The following MROH1 variants were observed in gnomAD, a reference collection of about 807,000 sequenced individuals.
The protein encoded by MROH1 is maestro heat-like repeat-containing protein family member 1.
MROH1 carries 117 observed loss-of-function variants against 116.5 expected under a neutral mutation model. That is an observed-to-expected ratio of 1.00 (90% CI 0.86 to 1.17). The LOEUF is 1.17. Among genes scored for constraint, MROH1 ranks in the 50% most tolerant of loss-of-function variants. The probability of loss-of-function intolerance (pLI) is 0.00; values close to 1 mark genes in which losing one functional copy is unlikely to be tolerated. For synonymous variants in MROH1, 921 were observed against 583.9 expected (o/e 1.58, Z -8.32); for missense variants, 1,873 against 1,338.5 (o/e 1.40, Z -6.23).
At chr8:144,242,702 T>C (rs1472978926) in intron 24 of MROH1, 74 bp downstream of exon 24, 4 of 743,918 alleles carry the variant, frequency 5.4e-6, no homozygotes, top group Non-Finnish European at 1.0e-5. Flanking sequence ...TTGAGCTTCA[T>C]AGGCAGAGGC....
chr8:144,199,041 C>G, intron 10 of MROH1, 81 bp from the exon 11 acceptor site: 1 of 1,378,518 alleles, frequency 7.3e-7, no homozygotes, highest in East Asian at 2.4e-5. Flanking sequence ...GCCCAGCTGC[C>G]CAGGCCCAGA....
intron 12 of MROH1, among the ~76,000 whole-genome samples, chr8:144,203,550 C>G (rs1832159874): frequency 6.6e-6 from 1 of 151,732 alleles, no homozygotes; most frequent in African/African-American, 2.4e-5. Flanking sequence ...AGCGCCCGCT[C>G]TCTGGAGGGG....
chr8:144,204,133 C>T (rs533355113), intron 12 of MROH1, among the ~76,000 whole-genome samples: 2 of 152,266 alleles, frequency 1.3e-5, no homozygotes, highest in East Asian at 3.9e-4. Context: ...TGTTTTGAGA[C>T]AGGGTCTCGT....
chr8:144,210,953 G>T (rs1308769941), intron 12 of MROH1, among the ~76,000 whole-genome samples: 4 of 152,034 alleles, frequency 2.6e-5, no homozygotes, highest in Non-Finnish European at 4.4e-5. Context: ...TTTTCATCTT[G>T]CAAAACTGAA....
intron 33 of MROH1, chr8:144,252,042 G>A: frequency 9.5e-6 from 2 of 210,302 alleles, no homozygotes; most frequent in Non-Finnish European, 1.9e-5. Flanking sequence ...GCCGGGTGCT[G>A]CTGCCCATCC....
At chr8:144,168,811 G>A (rs1414390925) in intron 4 of MROH1, among the ~76,000 whole-genome samples, 1 of 152,204 alleles carries the variant, frequency 6.6e-6, no homozygotes, top group Non-Finnish European at 1.5e-5. Flanking sequence ...TCAACCCAAG[G>A]GGCCAGAAAC....
chr8:144,248,023 A>G (rs931750942), intron 31 of MROH1, among the ~76,000 whole-genome samples: 2 of 152,252 alleles, frequency 1.3e-5, no homozygotes, highest in African/African-American at 2.4e-5. Flanking sequence ...GGTTTCTGGA[A>G]CAGAATCTTC....
chr8:144,246,317 C>G (rs1275187188), intron 29 of MROH1, among the ~76,000 whole-genome samples: 2 of 151,882 alleles, frequency 1.3e-5, no homozygotes, highest in Non-Finnish European at 2.9e-5. Context: ...TCCTGTTGGC[C>G]TTGAACTGGT....
At chr8:144,173,098 C>CTT (rs57999074) in intron 4 of MROH1, among the ~76,000 whole-genome samples, 9 of 130,362 alleles carry the variant, frequency 6.9e-5, no homozygotes, top group African/African-American at 1.4e-4. Flanking sequence ...AGTTATGGTA[C>CTT]TTTTTTTTTT....
At chr8:144,156,565 C>A (rs1457306434) in intron 1 of MROH1, among the ~76,000 whole-genome samples, 1 of 151,394 alleles carries the variant, frequency 6.6e-6, no homozygotes, top group African/African-American at 2.4e-5. Context: ...AAAAATTAGC[C>A]AGGCGTGATG....
chr8:144,187,032 A>T (rs1827365786), intron 7 of MROH1, among the ~76,000 whole-genome samples: 1 of 151,244 alleles, frequency 6.6e-6, no homozygotes, highest in Non-Finnish European at 1.5e-5. Context: ...TGGGAGTCAG[A>T]GGTTGCAGTG....
chr8:144,259,008 G>T, intron 36 of MROH1, 94 bp downstream of exon 36: 1 of 645,344 alleles, frequency 1.5e-6, no homozygotes. Context: ...GGGCCCATGC[G>T]TGTCAGGCCA....
chr8:144,239,360 G>A lies in MROH1; in HGVS notation c.1629G>A (p.Leu543=), dbSNP rs1840590591. 4 of 780,388 alleles carry A rather than the reference G, an allele frequency of 5.1e-6. No individual in the cohort carries two copies. Among genetic ancestry groups the A allele is most frequent in the Admixed American group, 1.7e-5 (1 of 59,004 alleles). 48.3% of individuals were successfully genotyped at this position (780,388 alleles called of 1,614,324 possible). A position where few individuals can be genotyped will look rare whatever the true frequency, so the allele number is the denominator to read the frequency against. Residue 543 remains leucine, a synonymous_variant, in exon 17 of 44, where the codon CTG becomes CTA. Transcript: ENST00000326134. ...LPSPYAVTGR[L]LVVSSSPYLG... The stretch of plus-strand genomic sequence containing the variant: ...CTCCCTATGCTGTAACCGGAAGACT[G>A]TTGGTGAGCCTCGCCCTTTCACAGC...
intron 33 of MROH1, among the ~76,000 whole-genome samples, chr8:144,253,019 C>T (rs1843097611): frequency 1.4e-5 from 2 of 147,730 alleles, no homozygotes; most frequent in Admixed American, 1.4e-4. Flanking sequence ...CTAGGCGTGG[C>T]AGCACGTGTC....
chr8:144,179,417 G>A (rs759699415), intron 4 of MROH1, 38 bp from the exon 5 acceptor site: 1 of 1,606,506 alleles, frequency 6.2e-7, no homozygotes, highest in Non-Finnish European at 8.5e-7. Flanking sequence ...TGGGTGTGGG[G>A]CTCACCTGGG....
Position 144,223,135 on chromosome 8 carries a change from A to G in MROH1, c.1243A>G (p.Ser415Gly), listed in dbSNP as rs1486691449. Residue 415 changes from serine to glycine, a missense_variant, in exon 14 of 44, where the codon AGC (serine) becomes GGC (glycine). Physicochemically the swap from Ser to Gly is moderately conservative, Grantham distance 56. Coordinates refer to ENST00000326134, the MANE Select transcript of MROH1 (RefSeq NM_032450.3). ...GAAGCGGGCAGTGGTGCAGGTGATT[A>G]GCGCCATGGCCCACCACGGCTACCT... ...KVKRAVVQVISAMAHHGYLEQ... is the reference protein window; with the variant it reads ...KVKRAVVQVIGAMAHHGYLEQ... 1.9e-6 allele frequency: 3 copies of G among 1,613,084 alleles called. No individual in the cohort carries two copies. Among genetic ancestry groups the G allele is most frequent in the Non-Finnish European group, 2.5e-6 (3 of 1,179,648 alleles).
intron 4 of MROH1, among the ~76,000 whole-genome samples, chr8:144,177,676 G>A (rs1824358145): frequency 6.6e-6 from 1 of 152,134 alleles, no homozygotes; most frequent in Non-Finnish European, 1.5e-5. Flanking sequence ...GCTGGAGGTG[G>A]GGCCTGGTGG....
chr8:144,219,180 G>A (rs1253247022), intron 12 of MROH1, among the ~76,000 whole-genome samples: 1 of 151,762 alleles, frequency 6.6e-6, no homozygotes, highest in Non-Finnish European at 1.5e-5. Flanking sequence ...CCACCACCAT[G>A]CCCGGCTAAT....
chr8:144,248,172 T>C (rs1358928364), intron 31 of MROH1, among the ~76,000 whole-genome samples: 1 of 152,168 alleles, frequency 6.6e-6, no homozygotes, highest in Non-Finnish European at 1.5e-5. Context: ...GTCAAGGTGC[T>C]TTGTCTACTG....
Sources: gnomAD v4.1 joint callset for allele counts (sites outside exome capture counted in the v4.1 genomes callset) on GRCh38, gnomAD v4.1.1 for gene constraint, MANE v1.5 for transcripts, NCBI Gene and HGNC (gene_info 2026-07-23, HGNC 2026-07-21) for gene names.